TSHZ2: variants seen among roughly 807,000 people sequenced by gnomAD.
TSHZ2 encodes teashirt homolog 2.
TSHZ2 carries 21 observed loss-of-function variants against 74.4 expected under a neutral mutation model. The ratio of observed to expected loss-of-function variants is 0.28; its 90% CI spans 0.20 to 0.41. The LOEUF is 0.41. Ranked by LOEUF, TSHZ2 falls within the 10% of genes least tolerant of loss-of-function variation. The pLI, the probability that TSHZ2 is intolerant of heterozygous loss-of-function variation, is 1.00. For missense variants in TSHZ2, 1,244 were observed against 1,293.5 expected (o/e 0.96, Z 0.59); for synonymous variants, 540 against 515.3 (o/e 1.05, Z -0.65).
rs1487277238 is a variant in TSHZ2, at chr20:53,493,526, T to C, written c.*6391T>C. ...TTCATAATTGTCAAAATTTGAAACA[T>C]TAGCTTAATTTTGTTTTTATGACCT... is the stretch of plus-strand genomic sequence containing the variant. On this transcript the variant is annotated 3_prime_UTR_variant, in exon 3 of 3. Coordinates refer to ENST00000371497, the MANE Select transcript of TSHZ2 (RefSeq NM_173485.6). 1 of 152,236 alleles carries C rather than the reference T, an allele frequency of 6.6e-6. No individual in the cohort carries two copies. The highest frequency in any genetic ancestry group is 1.9e-4 in the East Asian group (1 of 5,200). The allele number at this position is 152,236 out of a possible 1,614,324, so 9.4% of individuals were successfully genotyped here. A position where few individuals can be genotyped will look rare whatever the true frequency, so the allele number is the denominator to read the frequency against.
At chr20:53,114,098 G>GAAAA (rs3971634) in intron 1 of TSHZ2, among the ~76,000 whole-genome samples, 1 of 120,452 alleles carries the variant, frequency 8.3e-6, no homozygotes, top group African/African-American at 3.0e-5. Flanking sequence ...TGTCTCTTAT[G>GAAAA]AAAAAAAAAA....
At chr20:53,323,435 G>A (rs1282339655) in intron 2 of TSHZ2, among the ~76,000 whole-genome samples, 1 of 50,820 alleles carries the variant, frequency 2.0e-5, no homozygotes, top group East Asian at 4.1e-4. Flanking sequence ...GAATGATGTA[G>A]TTAAAGTTTA....
intron 2 of TSHZ2, chr20:53,398,059 A>G (rs1047289496): frequency 3.3e-5 from 5 of 152,216 alleles, no homozygotes; most frequent in Admixed American, 6.5e-5. Context: ...CAGCACACCA[A>G]CATGACACAT....
In TSHZ2 at chr20:53,146,492, G is replaced by A. The variant is rs549802939; in HGVS notation, c.41-107007G>A. The stretch of plus-strand genomic sequence containing the variant: ...AAGGAGGCCTTTGAAATGAGCTTTC[G>A]CGCGTGAGTAATGACCTTCAGGATG... On this transcript the variant is annotated intron_variant, in intron 1 of 2. Coordinates refer to ENST00000371497, the MANE Select transcript of TSHZ2 (RefSeq NM_173485.6). Among the ~76,000 whole-genome samples, 7 of 152,246 alleles carry A rather than the reference G, an allele frequency of 4.6e-5. No individual in the cohort carries two copies. The East Asian group carries it at 1.2e-3, about 25-fold the overall frequency.
At chr20:53,127,854 G>A (rs1305358183) in intron 1 of TSHZ2, among the ~76,000 whole-genome samples, 1 of 152,210 alleles carries the variant, frequency 6.6e-6, no homozygotes, top group South Asian at 2.1e-4. Flanking sequence ...TTTGAACCCT[G>A]ACTTGCTGGA....
chr20:53,150,940 G>C (rs1286607249), intron 1 of TSHZ2, among the ~76,000 whole-genome samples: 1 of 152,192 alleles, frequency 6.6e-6, no homozygotes, highest in Non-Finnish European at 1.5e-5. Flanking sequence ...CACAAAGCCT[G>C]CTGCTTGGAG....
chr20:53,284,074 G>A (rs938433853), intron 2 of TSHZ2, among the ~76,000 whole-genome samples: 1 of 152,210 alleles, frequency 6.6e-6, no homozygotes. Context: ...CCAAATGCCC[G>A]GCAGGGGCTT....
intron 1 of TSHZ2, among the ~76,000 whole-genome samples, chr20:53,046,565 ACT>A (rs1416957851): frequency 6.6e-6 from 1 of 152,198 alleles, no homozygotes; most frequent in Non-Finnish European, 1.5e-5. Flanking sequence ...GAGGGAGCAA[ACT>A]CTGTTAATTA....
chr20:53,143,997 T>G (rs1303054982), intron 1 of TSHZ2, among the ~76,000 whole-genome samples: 1 of 151,942 alleles, frequency 6.6e-6, no homozygotes, highest in Non-Finnish European at 1.5e-5. Flanking sequence ...AGTTTGGAAA[T>G]GAAATCATAT....
At chr20:53,413,032 A>G (rs778067462) in intron 2 of TSHZ2, 2 of 152,332 alleles carry the variant, frequency 1.3e-5, no homozygotes, top group Non-Finnish European at 2.9e-5. Flanking sequence ...CTCCTCTAAA[A>G]CAAGGATTCC....
At chr20:53,215,713 A>G (rs1989420407) in intron 1 of TSHZ2, among the ~76,000 whole-genome samples, 1 of 151,662 alleles carries the variant, frequency 6.6e-6, no homozygotes, top group Non-Finnish European at 1.5e-5. Flanking sequence ...TACTAAAAAT[A>G]CAAAATTAGC....
intron 2 of TSHZ2, among the ~76,000 whole-genome samples, chr20:53,307,271 C>G (rs1978583552): frequency 6.6e-6 from 1 of 151,864 alleles, no homozygotes; most frequent in Admixed American, 6.6e-5. Flanking sequence ...CCTGCCACTT[C>G]CATCCCACCA....
intron 1 of TSHZ2, among the ~76,000 whole-genome samples, chr20:53,083,033 C>T (rs761632830): frequency 1.3e-5 from 2 of 152,176 alleles, no homozygotes; most frequent in Non-Finnish European, 2.9e-5. Context: ...GAGGACTCCC[C>T]CAGCTCTGTC....
intron 2 of TSHZ2, among the ~76,000 whole-genome samples, chr20:53,260,560 G>C (rs1282926407): frequency 6.6e-6 from 1 of 152,184 alleles, no homozygotes; most frequent in Non-Finnish European, 1.5e-5. Context: ...TGGTTCTGGG[G>C]GAAGCCGGGA....
chr20:53,192,328 T>C (rs1197893291), intron 1 of TSHZ2, among the ~76,000 whole-genome samples: 1 of 151,226 alleles, frequency 6.6e-6, no homozygotes, highest in African/African-American at 2.4e-5. Context: ...ACTTTGCTTG[T>C]GCATGTCAGA....
chr20:53,096,140 T>A (rs1986037970), intron 1 of TSHZ2, among the ~76,000 whole-genome samples: 1 of 152,076 alleles, frequency 6.6e-6, no homozygotes, highest in Admixed American at 6.6e-5. Flanking sequence ...TTTGTTTGTC[T>A]GTTTGTTTGT....
intron 2 of TSHZ2, among the ~76,000 whole-genome samples, chr20:53,443,206 A>G (rs1483671676): frequency 6.6e-6 from 1 of 152,034 alleles, no homozygotes; most frequent in Non-Finnish European, 1.5e-5. Context: ...TCTTCCCCCA[A>G]CTGGTGTGAT....
intron 1 of TSHZ2, chr20:53,185,660 G>T: frequency 1.3e-6 from 2 of 1,536,006 alleles, no homozygotes; most frequent in Non-Finnish European, 1.7e-6. Context: ...TGGCTGCTGC[G>T]TTGCTCCATT....
chr20:53,047,287 G>C (rs754497948), intron 1 of TSHZ2, among the ~76,000 whole-genome samples: 8 of 152,120 alleles, frequency 5.3e-5, no homozygotes, highest in Non-Finnish European at 7.4e-5. Flanking sequence ...TGATATAAAA[G>C]TCTCGGTAAG....
Sources: gnomAD v4.1 joint callset for allele counts (sites outside exome capture counted in the v4.1 genomes callset) on GRCh38, gnomAD v4.1.1 for gene constraint, MANE v1.5 for transcripts, NCBI Gene and HGNC (gene_info 2026-07-23, HGNC 2026-07-21) for gene names.